The following ADSS2 variants were observed in gnomAD, a reference collection of about 807,000 sequenced individuals.
ADSS2 encodes adenylosuccinate synthase 2, also known as adenylosuccinate synthetase isozyme 2.
A neutral mutation model predicts 60.0 loss-of-function variants in ADSS2; 30 were observed. That is an observed-to-expected ratio of 0.50 (90% CI 0.37 to 0.68). The LOEUF is 0.68. Ranked by LOEUF, ADSS2 falls within the 30% of genes least tolerant of loss-of-function variation. The pLI is 0.00. For synonymous variants in ADSS2, 187 were observed against 193.1 expected (o/e 0.97, Z 0.26); for missense variants, 373 against 554.8 (o/e 0.67, Z 3.29).
At chr1:244,434,141 G>A (rs1665023084) in intron 3 of ADSS2, among the ~76,000 whole-genome samples, 1 of 146,924 alleles carries the variant, frequency 6.8e-6, no homozygotes, top group Non-Finnish European at 1.5e-5. Context: ...CCTGGAGTTT[G>A]AGACCAGCCT....
At chr1:244,428,056 G>GATAGAAT (rs1190205673) in intron 4 of ADSS2, among the ~76,000 whole-genome samples, 1 of 152,148 alleles carries the variant, frequency 6.6e-6, no homozygotes, top group East Asian at 1.9e-4. Context: ...CCGAGTAACT[G>GATAGAAT]ATAGAATACA....
At chr1:244,435,218 C>T (rs1572142613) in intron 3 of ADSS2, among the ~76,000 whole-genome samples, 1 of 103,192 alleles carries the variant, frequency 9.7e-6, no homozygotes, top group African/African-American at 3.9e-5. Context: ...CATACTATAA[C>T]AGTAATTGAG....
At chr1:244,440,558 T>C (rs1428162804) in intron 1 of ADSS2, among the ~76,000 whole-genome samples, 2 of 152,126 alleles carry the variant, frequency 1.3e-5, no homozygotes, top group Non-Finnish European at 2.9e-5. Flanking sequence ...AGAGGCATTA[T>C]TTTTTACTAT....
chr1:244,442,785 G>A (rs988025799), intron 1 of ADSS2, among the ~76,000 whole-genome samples: 2 of 152,128 alleles, frequency 1.3e-5, no homozygotes, highest in African/African-American at 2.4e-5. Context: ...GAAATTTGAA[G>A]TGCCCATTTG....
At chr1:244,426,292 T>C (rs1384646698) in intron 4 of ADSS2, among the ~76,000 whole-genome samples, 4 of 152,176 alleles carry the variant, frequency 2.6e-5, no homozygotes, top group Non-Finnish European at 5.9e-5. Context: ...AAAAAGCAAC[T>C]GACAACACAC....
rs1161837599 is a variant in ADSS2, at chr1:244,418,781, G to A, written c.924C>T (p.Ala308=). 1 of 1,611,944 alleles carries A rather than the reference G, an allele frequency of 6.2e-7. No individual in the cohort carries two copies. Among genetic ancestry groups the A allele is most frequent in the Admixed American group, 1.7e-5 (1 of 59,472 alleles). Residue 308 remains alanine (A), a synonymous_variant, in exon 9 of 13, where the codon GCC becomes GCT. Transcript: ENST00000366535. ...KAYTTRVGIG[A]FPTEQDNEIG... Reference sequence around the variant, plus strand: ...TTACATTGTCTTGCTCTGTAGGAAAGGCACCAATACCAACTCTAGTTGTAT... The same window carrying A: ...TTACATTGTCTTGCTCTGTAGGAAAAGCACCAATACCAACTCTAGTTGTAT...
At position 244,417,641 on chromosome 1, in the gene ADSS2, T is replaced by C; in HGVS notation, c.1057A>G (p.Asn353Asp). The C allele has an allele frequency of 6.2e-6, 10 of 1,612,196 alleles. No homozygotes were observed. The highest frequency in any genetic ancestry group is 6.8e-6 in the Non-Finnish European group (8 of 1,179,866). Reference sequence around the variant, plus strand: ...AAGAATACTCACGCAGTAAATCCATTGATCATATGAGCATATTTGAGCAAA... The same window carrying C: ...AAGAATACTCACGCAGTAAATCCATCGATCATATGAGCATATTTGAGCAAA... ...LVLLKYAHMI[N>D]GFTALALTKL... The change falls in exon 10 of 13, where the codon AAT (asparagine) becomes GAT (aspartate). Residue 353 changes from asparagine (N) to aspartate (D), a missense_variant. Asn to Asp is a conservative substitution (Grantham distance 23). This residue lies in a region of ADSS2 where 130 missense variants were observed against 169.4 expected (regional missense o/e 0.77). Coordinates refer to ENST00000366535, the MANE Select transcript of ADSS2 (RefSeq NM_001126.5).
chr1:244,424,280 T>A, intron 5 of ADSS2, 41 bp downstream of exon 5: 1 of 1,573,102 alleles, frequency 6.4e-7, no homozygotes, highest in African/African-American at 1.4e-5. Context: ...AAGGTCTGCA[T>A]ATGCTTAAAC....
rs1572131323 is a variant in ADSS2 at position 244,418,540 on chromosome 1, T to C, written c.945+220A>G. Among the ~76,000 whole-genome samples, 3 of 152,032 alleles carry C rather than the reference T, an allele frequency of 2.0e-5. No individual in the cohort carries two copies. In the South Asian group the frequency reaches 6.2e-4, roughly 32 times the overall value. On this transcript the variant is annotated intron_variant, in intron 9 of 12. Transcript: ENST00000366535. ...TTCAACATGTTGCCCCAGCTGATCT[T>C]GAACTCCTGGGCTCAAGTGATCTGC...
intron 4 of ADSS2, among the ~76,000 whole-genome samples, chr1:244,429,618 C>T (rs901242760): frequency 2.6e-5 from 4 of 152,086 alleles, no homozygotes; most frequent in South Asian, 2.1e-4. Flanking sequence ...CTGGCCGGGC[C>T]GTGGCTCACG....
In ADSS2 at chr1:244,409,160, A is replaced by T. The variant is rs1340025044; in HGVS notation, c.*426T>A. On this transcript the variant is annotated 3_prime_UTR_variant, in exon 13 of 13. Transcript: ENST00000366535. ...TAACAACAAAGATTACAATGACAGA[A>T]CTGAATGATCAGAATGTAAAAATAT... 6.5e-6 allele frequency: 1 copy of T among 153,932 alleles called. No homozygotes were observed. Among genetic ancestry groups the T allele is most frequent in the Non-Finnish European group, 1.5e-5 (1 of 68,938 alleles). 9.5% of individuals were successfully genotyped at this position (153,932 alleles called of 1,614,324 possible).
rs1377996149 is a variant in ADSS2, at chr1:244,435,169, A to C, written c.355+1656T>G. On this transcript the variant is annotated intron_variant, in intron 3 of 12. Transcript: ENST00000366535. ...GGTGACAGAGAGAGACTCCGTCTCC[A>C]AAAAAAAAAAAAAAAAAAAAAAAAA... Among the ~76,000 whole-genome samples, 3 of 26,396 alleles carry C rather than the reference A, an allele frequency of 1.1e-4. No individual in the cohort carries two copies. In the Admixed American group the frequency reaches 1.2e-3, roughly 10 times the overall value. 17.3% of individuals were successfully genotyped at this position (26,396 alleles called of 152,430 possible).
chr1:244,429,829 C>T (rs1398403792), intron 4 of ADSS2, among the ~76,000 whole-genome samples: 1 of 152,074 alleles, frequency 6.6e-6, no homozygotes, highest in Non-Finnish European at 1.5e-5. Flanking sequence ...TTGTAGTGAA[C>T]CAAGATCATG....
In ADSS2 at chr1:244,432,660, C is replaced by CTTTTTTT. The variant is rs532312490; in HGVS notation, c.356-72_356-66dup. ...TATAGCAGTTTTAAAATCTTAATTT[C>CTTTTTTT]TTTTTTTTTTTTTTTTTTTTTGAGA... On this transcript the variant is annotated intron_variant, in intron 3 of 12. Coordinates refer to ENST00000366535, the MANE Select transcript of ADSS2 (RefSeq NM_001126.5). 3.7e-4 allele frequency: 145 copies of CTTTTTTT among 387,218 alleles called. 1 individual carries two copies. Among genetic ancestry groups the CTTTTTTT allele is most frequent in the South Asian group, 4.5e-4 (18 of 39,824 alleles). The allele number at this position is 387,218 out of a possible 1,614,324, so 24.0% of individuals were successfully genotyped here.
chr1:244,421,791 C>T (rs1265206164), intron 7 of ADSS2, among the ~76,000 whole-genome samples: 1 of 152,006 alleles, frequency 6.6e-6, no homozygotes, highest in Non-Finnish European at 1.5e-5. Context: ...CCAGCCTGGG[C>T]AACATGGTGA....
At position 244,432,546 on chromosome 1, in the gene ADSS2, A is replaced by C; in HGVS notation, c.405T>G (p.Ile135Met). 6.4e-7 allele frequency: 1 copy of C among 1,570,572 alleles called. No homozygotes were observed. Among genetic ancestry groups the C allele is most frequent in the African/African-American group, 1.4e-5 (1 of 72,816 alleles). The change falls in exon 4 of 13, where the codon ATT (isoleucine) becomes ATG (methionine). Residue 135 changes from isoleucine (I) to methionine (M), a missense_variant and splice_region_variant. Around this residue, in one of 5 missense-constraint regions of ADSS2, gnomAD observed 139 missense variants for 189.4 expected, o/e 0.73. Coordinates refer to ENST00000366535, the MANE Select transcript of ADSS2 (RefSeq NM_001126.5). ...ATAAATGCAATATATCCACCTTACCAATATGAGCTCTGTCAGATATAATAA... is the reference window on the plus strand; with the variant it reads ...ATAAATGCAATATATCCACCTTACCCATATGAGCTCTGTCAGATATAATAA... Reference protein sequence around the residue: ...KRLIISDRAHIVFDFHQAADG... With the variant: ...KRLIISDRAHMVFDFHQAADG...
chr1:244,415,243 T>C (rs1242053886), intron 11 of ADSS2, among the ~76,000 whole-genome samples: 6 of 152,208 alleles, frequency 3.9e-5, no homozygotes, highest in South Asian at 2.1e-4. Flanking sequence ...GCTTTGTAAA[T>C]AGAATTAAGA....
At position 244,433,389 on chromosome 1, in the gene ADSS2, G is replaced by A. The variant is rs1252375012; in HGVS notation, c.356-794C>T. 3.3e-5 allele frequency among the ~76,000 whole-genome samples: 5 copies of A among 152,258 alleles called. No individual in the cohort carries two copies. The East Asian group carries it at 9.6e-4, about 29-fold the overall frequency. On this transcript the variant is annotated intron_variant, in intron 3 of 12. Transcript: ENST00000366535. ...TCACTCACATGCTATCTTTCCAAAT[G>A]TCTTGCTCTAAAAGCTCCAAATTCA...
chr1:244,423,002 T>C (rs1424013012), intron 6 of ADSS2, 86 bp from the exon 7 acceptor site: 4 of 875,712 alleles, frequency 4.6e-6, no homozygotes, highest in South Asian at 4.2e-5. Context: ...TTTCTGCAGA[T>C]GGTAAATGAT....
Sources: allele counts gnomAD v4.1 joint callset (sites outside exome capture counted in the v4.1 genomes callset), GRCh38; gene constraint gnomAD v4.1.1; regional missense constraint gnomAD v4.1.1; transcripts MANE v1.5; gene names NCBI Gene and HGNC (gene_info 2026-07-23, HGNC 2026-07-21).